PXDC1: variants seen among roughly 807,000 people sequenced by gnomAD.
PXDC1 encodes PX domain containing 1.
PXDC1 carries 13 observed loss-of-function variants against 24.4 expected under a neutral mutation model. The ratio of observed to expected loss-of-function variants is 0.53; its 90% CI spans 0.35 to 0.85. PXDC1 has a LOEUF of 0.85. PXDC1 is among the 40% of genes least tolerant of loss of function. The pLI is 0.01. For missense variants in PXDC1, 344 were observed against 309.3 expected (o/e 1.11, Z -0.84); for synonymous variants, 162 against 124.9 (o/e 1.30, Z -1.98).
intron 1 of PXDC1, chr6:3,750,981 G>C (rs1296285004): frequency 2.2e-5 from 8 of 369,080 alleles, no homozygotes; most frequent in Non-Finnish European, 3.9e-5. Flanking sequence ...CGCCCTCCTC[G>C]GAAGTGACTC....
chr6:3,743,821 C>T (rs1760504214), intron 1 of PXDC1, among the ~76,000 whole-genome samples: 1 of 152,226 alleles, frequency 6.6e-6, no homozygotes, highest in South Asian at 2.1e-4. Flanking sequence ...CACCTCCACG[C>T]TGCAATGCAT....
Position 3,746,736 on chromosome 6 carries a change from C to T in PXDC1, c.256+4540G>A, listed in dbSNP as rs992198417. Among the ~76,000 whole-genome samples the T allele has an allele frequency of 2.6e-5, 4 of 152,166 alleles. No homozygotes were observed. The East Asian group carries it at 7.7e-4, about 29-fold the overall frequency. On this transcript the variant is annotated intron_variant, in intron 1 of 4. Coordinates refer to ENST00000380283, the MANE Select transcript of PXDC1 (RefSeq NM_183373.4). The stretch of plus-strand genomic sequence containing the variant: ...CCACTGTCACTAAGAAAGTAAACTC[C>T]GTGGCTTTGCAGTTGGCCATCGGGT...
chr6:3,733,222 C>A (rs1281144067), intron 3 of PXDC1, among the ~76,000 whole-genome samples: 1 of 152,128 alleles, frequency 6.6e-6, no homozygotes, highest in Non-Finnish European at 1.5e-5. Flanking sequence ...GAGAGAAAGC[C>A]GTGTGGACAG....
In PXDC1 at chr6:3,751,546, CCCG is replaced by C. The variant is rs1478649779; in HGVS notation, c.-18_-16del. On this transcript the variant is annotated 5_prime_UTR_variant, in exon 1 of 5. Transcript: ENST00000380283. ...GCCGAGGCCATGTCGCACGCATGCC[CCCG>C]CCAAGGGCTCCCCAGCCCCGCCGCC... is the stretch of plus-strand genomic sequence containing the variant. The C allele has an allele frequency of 2.6e-6, 4 of 1,553,976 alleles. No individual in the cohort carries two copies. Among genetic ancestry groups the C allele is most frequent in the South Asian group, 1.2e-5 (1 of 84,668 alleles).
At chr6:3,745,726 C>G (rs1760554441) in intron 1 of PXDC1, among the ~76,000 whole-genome samples, 1 of 152,174 alleles carries the variant, frequency 6.6e-6, no homozygotes, top group East Asian at 1.9e-4. Flanking sequence ...GGTGGGTGAT[C>G]CAGCAATCTG....
intron 3 of PXDC1, among the ~76,000 whole-genome samples, chr6:3,731,293 T>A (rs1000449623): frequency 3.3e-5 from 5 of 152,212 alleles, no homozygotes; most frequent in African/African-American, 1.2e-4. Flanking sequence ...TCATTGTTAG[T>A]AATGTCCTCA....
chr6:3,751,048 T>G, intron 1 of PXDC1: 145 of 437,360 alleles, frequency 3.3e-4, no homozygotes, highest in East Asian at 4.2e-4. Flanking sequence ...TCCCGCCCCA[T>G]TTGGCTCCTC....
At chr6:3,751,144 G>T in intron 1 of PXDC1, 132 bp downstream of exon 1, 2 of 705,346 alleles carry the variant, frequency 2.8e-6, no homozygotes, top group Non-Finnish European at 4.2e-6. Context: ...CGGGCGCGGG[G>T]TCCAAGTGTC....
chr6:3,738,936 C>T (rs780019340), intron 1 of PXDC1: 10 of 1,301,476 alleles, frequency 7.7e-6, no homozygotes, highest in African/African-American at 1.5e-5. Flanking sequence ...GCGTCTCCCC[C>T]ACACTTGTGT....
intron 3 of PXDC1, among the ~76,000 whole-genome samples, chr6:3,732,721 G>C (rs1246866657): frequency 1.3e-5 from 2 of 152,202 alleles, no homozygotes; most frequent in South Asian, 4.1e-4. Context: ...CTAGCGCCGG[G>C]CGCCATCTAG....
At chr6:3,744,164 A>G (rs1176675356) in intron 1 of PXDC1, among the ~76,000 whole-genome samples, 1 of 152,162 alleles carries the variant, frequency 6.6e-6, no homozygotes, top group Non-Finnish European at 1.5e-5. Flanking sequence ...CCTAAATTTT[A>G]GACTCAACAT....
intron 3 of PXDC1, among the ~76,000 whole-genome samples, chr6:3,733,911 A>G (rs1360009683): frequency 6.6e-6 from 1 of 151,874 alleles, no homozygotes; most frequent in African/African-American, 2.4e-5. Context: ...ATTTCCTCCC[A>G]TTCTTCTGAC....
In PXDC1 at chr6:3,723,752, C is replaced by A. The variant is rs1367006599; in HGVS notation, c.579-16G>T. The A allele has an allele frequency of 6.2e-7, 1 of 1,603,044 alleles. No individual in the cohort carries two copies. Among genetic ancestry groups the A allele is most frequent in the Non-Finnish European group, 8.5e-7 (1 of 1,169,966 alleles). On this transcript the variant is annotated splice_polypyrimidine_tract_variant and intron_variant, in intron 4 of 4. Coordinates refer to ENST00000380283, the MANE Select transcript of PXDC1 (RefSeq NM_183373.4). ...ATTCTCAAATCTGAAATTAGAGAAA[C>A]CAGAGGTGAGGGGTGGCTCATTGTT...
intron 1 of PXDC1, among the ~76,000 whole-genome samples, chr6:3,745,434 T>C (rs1372050812): frequency 6.6e-6 from 1 of 152,240 alleles, no homozygotes; most frequent in Non-Finnish European, 1.5e-5. Context: ...CGGCCCTGCG[T>C]GCGGATATTA....
chr6:3,746,478 T>C (rs1760573943), intron 1 of PXDC1, among the ~76,000 whole-genome samples: 1 of 152,050 alleles, frequency 6.6e-6, no homozygotes, highest in South Asian at 2.1e-4. Flanking sequence ...GAGTCAAAAA[T>C]AGGTCTGTGA....
intron 1 of PXDC1, among the ~76,000 whole-genome samples, chr6:3,746,023 G>A (rs923592634): frequency 1.3e-4 from 20 of 152,216 alleles, no homozygotes; most frequent in African/African-American, 4.1e-4. Context: ...TATGGTGTGC[G>A]TTCAGCTCCT....
intron 1 of PXDC1, among the ~76,000 whole-genome samples, chr6:3,743,171 G>T (rs1227109298): frequency 1.3e-5 from 2 of 151,824 alleles, no homozygotes; most frequent in African/African-American, 4.9e-5. Context: ...GACTCTAGCG[G>T]GAGGGCTTCC....
At position 3,725,570 on chromosome 6, in the gene PXDC1, T is replaced by A. The variant is rs1760044871; in HGVS notation, c.579-1834A>T. ...AGACTCTGCTGTGGGGGCCCTGCTG[T>A]GGGCCCGGCGGCACTGGGCTCACAG... On this transcript the variant is annotated intron_variant, in intron 4 of 4. Coordinates refer to ENST00000380283, the MANE Select transcript of PXDC1 (RefSeq NM_183373.4). The surrounding 1 kb of genome is among the most constrained non-coding windows in gnomAD (Gnocchi z 4.8). 6.6e-6 allele frequency among the ~76,000 whole-genome samples: 1 copy of A among 152,200 alleles called. No individual in the cohort carries two copies. The highest frequency in any genetic ancestry group is 1.5e-5 in the Non-Finnish European group (1 of 68,030).
chr6:3,726,053 C>A (rs1463136737), intron 4 of PXDC1, among the ~76,000 whole-genome samples: 1 of 152,188 alleles, frequency 6.6e-6, no homozygotes, highest in Non-Finnish European at 1.5e-5. Flanking sequence ...CTCCTCAGCT[C>A]CAGCCTGCTC....
Sources: gnomAD v4.1 joint callset for allele counts (sites outside exome capture counted in the v4.1 genomes callset) on GRCh38, gnomAD v4.1.1 for gene constraint, Gnocchi (gnomAD v3.1) non-coding constraint, MANE v1.5 for transcripts, NCBI Gene and HGNC (gene_info 2026-07-23, HGNC 2026-07-21) for gene names.